ANKS1B: variants seen among roughly 807,000 people sequenced by gnomAD.
ANKS1B encodes ankyrin repeat and sterile alpha motif domain containing 1B, also known as ankyrin repeat and sterile alpha motif domain-containing protein 1B.
ANKS1B carries 36 observed loss-of-function variants against 148.3 expected under a neutral mutation model. The ratio of observed to expected loss-of-function variants is 0.24; its 90% confidence interval spans 0.19 to 0.32. The LOEUF is 0.32. Among genes scored for constraint, ANKS1B ranks in the 10% least tolerant of loss-of-function variants. The pLI is 1.00. For missense variants in ANKS1B, 1,157 were observed against 1,542.6 expected (o/e 0.75, Z 4.19); for synonymous variants, 542 against 560.8 (o/e 0.97, Z 0.47).
At chr12:99,838,832 T>C (rs1020669502) in intron 1 of ANKS1B, among the ~76,000 whole-genome samples, 1 of 152,144 alleles carries the variant, frequency 6.6e-6, no homozygotes, top group Non-Finnish European at 1.5e-5. Flanking sequence ...TCAATACCAC[T>C]TTAAAATAAT....
chr12:98,984,618 CT>C (rs1433805526), intron 17 of ANKS1B, among the ~76,000 whole-genome samples: 1 of 152,216 alleles, frequency 6.6e-6, no homozygotes, highest in East Asian at 1.9e-4. Flanking sequence ...AAGACTCTCC[CT>C]TCCTGCATTT....
At chr12:99,563,846 T>C (rs527835247) in intron 9 of ANKS1B, among the ~76,000 whole-genome samples, 1 of 152,320 alleles carries the variant, frequency 6.6e-6, no homozygotes, top group South Asian at 2.1e-4. Flanking sequence ...ACATTTTTAC[T>C]GTGTATTTTC....
chr12:99,643,568 CA>C (rs1320101712), intron 9 of ANKS1B, among the ~76,000 whole-genome samples: 1 of 152,170 alleles, frequency 6.6e-6, no homozygotes, highest in Non-Finnish European at 1.5e-5. Context: ...CTTTCTATTC[CA>C]TAAAGGTTAA....
At chr12:99,030,375 C>T (rs376675637) in intron 17 of ANKS1B, among the ~76,000 whole-genome samples, 4 of 152,182 alleles carry the variant, frequency 2.6e-5, no homozygotes, top group East Asian at 3.8e-4. Context: ...TGTAGTTACA[C>T]ATGGGAGTCA....
At chr12:99,318,765 C>T (rs561290909) in intron 12 of ANKS1B, among the ~76,000 whole-genome samples, 8 of 150,366 alleles carry the variant, frequency 5.3e-5, no homozygotes, top group Admixed American at 1.3e-4. Flanking sequence ...GTGATGTTAG[C>T]GTGTCAATTT....
intron 16 of ANKS1B, among the ~76,000 whole-genome samples, chr12:99,062,014 G>A (rs1463071302): frequency 1.3e-5 from 2 of 152,190 alleles, no homozygotes; most frequent in Non-Finnish European, 2.9e-5. Context: ...AAAGAAAATA[G>A]ACTGGGATGA....
intron 22 of ANKS1B, among the ~76,000 whole-genome samples, chr12:98,793,120 A>G (rs1448617488): frequency 6.6e-6 from 1 of 152,196 alleles, no homozygotes; most frequent in African/African-American, 2.4e-5. Flanking sequence ...ATTCTCACCA[A>G]CATTTGTTAT....
At chr12:99,728,124 T>C (rs1377180071) in intron 8 of ANKS1B, among the ~76,000 whole-genome samples, 1 of 151,998 alleles carries the variant, frequency 6.6e-6, no homozygotes, top group African/African-American at 2.4e-5. Flanking sequence ...AAAGCCAAAA[T>C]TGACAAATGA....
At chr12:98,814,248 AGTT>A (rs1326071947) in intron 19 of ANKS1B, among the ~76,000 whole-genome samples, 1 of 152,222 alleles carries the variant, frequency 6.6e-6, no homozygotes, top group African/African-American at 2.4e-5. Flanking sequence ...TATTTCACCA[AGTT>A]GTTGTGCAGC....
intron 12 of ANKS1B, among the ~76,000 whole-genome samples, chr12:99,379,480 GAA>G (rs2093547582): frequency 6.6e-6 from 1 of 152,158 alleles, no homozygotes; most frequent in South Asian, 2.1e-4. Context: ...AAAACATTTA[GAA>G]AAGTTCTTAA....
chr12:99,353,635 AT>A (rs2091679334), intron 12 of ANKS1B, among the ~76,000 whole-genome samples: 2 of 151,924 alleles, frequency 1.3e-5, no homozygotes, highest in African/African-American at 2.4e-5. Flanking sequence ...TAATGTTGCT[AT>A]TATTTTCTTT....
At chr12:99,353,905 A>C (rs2091713621) in intron 12 of ANKS1B, among the ~76,000 whole-genome samples, 1 of 152,034 alleles carries the variant, frequency 6.6e-6, no homozygotes, top group South Asian at 2.1e-4. Flanking sequence ...ACTGTTATGG[A>C]GGCCACTAGT....
intron 8 of ANKS1B, among the ~76,000 whole-genome samples, chr12:99,711,825 A>G (rs1224544255): frequency 1.3e-5 from 2 of 152,210 alleles, no homozygotes; most frequent in African/African-American, 4.8e-5. Flanking sequence ...ATACAATTCA[A>G]CCCAGTAATC....
chr12:99,510,403 C>G (rs548153279), intron 9 of ANKS1B, among the ~76,000 whole-genome samples: 1 of 152,042 alleles, frequency 6.6e-6, no homozygotes, highest in South Asian at 2.1e-4. Context: ...CAGATGAAGT[C>G]AACATCAATG....
intron 17 of ANKS1B, among the ~76,000 whole-genome samples, chr12:98,985,501 G>A (rs1420799407): frequency 6.6e-6 from 1 of 151,486 alleles, no homozygotes; most frequent in East Asian, 1.9e-4. Flanking sequence ...TTATTTTTCA[G>A]GATTGGATTA....
intron 17 of ANKS1B, among the ~76,000 whole-genome samples, chr12:98,970,819 A>G (rs1364676595): frequency 6.6e-6 from 1 of 152,218 alleles, no homozygotes; most frequent in East Asian, 1.9e-4. Flanking sequence ...AGATGCTGTG[A>G]CAAATGGCAC....
intron 15 of ANKS1B, among the ~76,000 whole-genome samples, chr12:99,125,545 A>G (rs1368109602): frequency 6.6e-6 from 1 of 152,178 alleles, no homozygotes; most frequent in Non-Finnish European, 1.5e-5. Context: ...TCTGGGCTGT[A>G]CTACTGATGA....
At chr12:99,632,768 T>TATATATATATATATA (rs1282777183) in intron 9 of ANKS1B, among the ~76,000 whole-genome samples, 8 of 100,430 alleles carry the variant, frequency 8.0e-5, no homozygotes, top group South Asian at 3.1e-4. Flanking sequence ...TATATATATA[T>TATATATATATATATA]TTTAATTATA....
At chr12:99,818,074 C>A (rs2082090594) in intron 2 of ANKS1B, among the ~76,000 whole-genome samples, 1 of 151,780 alleles carries the variant, frequency 6.6e-6, no homozygotes, top group South Asian at 2.1e-4. Context: ...AGACCTAAAA[C>A]TATGAAACTA....
Sources: allele counts gnomAD v4.1 joint callset (sites outside exome capture counted in the v4.1 genomes callset), GRCh38; gene constraint gnomAD v4.1.1; transcripts MANE v1.5; gene names NCBI Gene and HGNC (gene_info 2026-07-23, HGNC 2026-07-21).